Variants in ITGA8 observed in about 807,000 individuals in gnomAD.
ITGA8 encodes integrin subunit alpha 8.
ITGA8 carries 91 observed loss-of-function variants against 142.3 expected under a neutral mutation model. That is an observed-to-expected ratio of 0.64 (90% confidence interval 0.54 to 0.76). The LOEUF is 0.76. ITGA8 is among the 30% of genes least tolerant of loss of function. ITGA8 has a pLI of 0.00. For synonymous variants in ITGA8, 505 were observed against 485.2 expected (o/e 1.04, Z -0.54); for missense variants, 1,406 against 1,327.7 (o/e 1.06, Z -0.92).
At chr10:15,705,402 C>T (rs1035668896) in intron 2 of ITGA8, among the ~76,000 whole-genome samples, 4 of 152,166 alleles carry the variant, frequency 2.6e-5, no homozygotes, top group Non-Finnish European at 4.4e-5. Context: ...AGCAGCTCAT[C>T]CTCAGTTGTT....
chr10:15,694,114 T>C lies in ITGA8; in HGVS notation c.344-6076A>G, dbSNP rs1834984883. On this transcript the variant is annotated intron_variant, in intron 2 of 29. Coordinates refer to ENST00000378076, the MANE Select transcript of ITGA8 (RefSeq NM_003638.3). Reference sequence around the variant, plus strand: ...ATTTATAATATACCTATATATTATATATCATATATCTATATTATATAGATA... The same window carrying C: ...ATTTATAATATACCTATATATTATACATCATATATCTATATTATATAGATA... Among the ~76,000 whole-genome samples, 4 of 146,124 alleles carry C rather than the reference T, an allele frequency of 2.7e-5. No homozygotes were observed. The Admixed American group carries it at 2.8e-4, about 10-fold the overall frequency.
At chr10:15,718,340 C>T in intron 2 of ITGA8, among the ~76,000 whole-genome samples, 1 of 152,214 alleles carries the variant, frequency 6.6e-6, no homozygotes, top group East Asian at 1.9e-4. Flanking sequence ...TCTGCAGCAG[C>T]TAAGTCCTGC....
At chr10:15,536,619 T>G (rs1833444547) in intron 27 of ITGA8, among the ~76,000 whole-genome samples, 1 of 152,220 alleles carries the variant, frequency 6.6e-6, no homozygotes, top group South Asian at 2.1e-4. Flanking sequence ...TGTAGGCAAT[T>G]TAGGATTGAA....
intron 28 of ITGA8, 98 bp from the exon 29 acceptor site, chr10:15,519,510 G>C: frequency 7.8e-7 from 1 of 1,277,288 alleles, no homozygotes; most frequent in Non-Finnish European, 1.1e-6. Context: ...GATCTGAAAG[G>C]ATCCATATGA....
chr10:15,593,698 G>A (rs544969704), intron 21 of ITGA8, among the ~76,000 whole-genome samples: 25 of 152,240 alleles, frequency 1.6e-4, no homozygotes, highest in African/African-American at 5.5e-4. Context: ...CGTACTGTCC[G>A]AATGGCTTTA....
intron 26 of ITGA8, among the ~76,000 whole-genome samples, chr10:15,549,047 T>A (rs1053481125): frequency 1.1e-4 from 17 of 152,252 alleles, no homozygotes; most frequent in African/African-American, 4.1e-4. Context: ...TCTGTGACTT[T>A]CATTCATTAG....
chr10:15,522,896 C>T (rs1833096464), intron 28 of ITGA8, among the ~76,000 whole-genome samples: 1 of 152,072 alleles, frequency 6.6e-6, no homozygotes, highest in Non-Finnish European at 1.5e-5. Flanking sequence ...CCTGTAGTCT[C>T]AGCCACTTGG....
chr10:15,523,013 C>G (rs1028720855), intron 28 of ITGA8, among the ~76,000 whole-genome samples: 2 of 142,332 alleles, frequency 1.4e-5, no homozygotes, highest in African/African-American at 5.6e-5. Flanking sequence ...CAGGCTCAGT[C>G]TCAAAAAAAA....
At chr10:15,590,305 A>G (rs1197870102) in intron 22 of ITGA8, among the ~76,000 whole-genome samples, 1 of 152,212 alleles carries the variant, frequency 6.6e-6, no homozygotes, top group East Asian at 1.9e-4. Context: ...TGAATTCATT[A>G]TTTCAATGAT....
intron 8 of ITGA8, among the ~76,000 whole-genome samples, chr10:15,666,975 T>C (rs1481991863): frequency 6.6e-6 from 1 of 152,194 alleles, no homozygotes; most frequent in Admixed American, 6.5e-5. Flanking sequence ...TGGTCTAAAA[T>C]TCTCTTGTTT....
intron 11 of ITGA8, among the ~76,000 whole-genome samples, chr10:15,651,724 C>T (rs185019385): frequency 2.2e-4 from 33 of 152,166 alleles, no homozygotes; most frequent in Non-Finnish European, 4.3e-4. Context: ...GCAGGGAAGT[C>T]CTCACTTCTG....
intron 2 of ITGA8, among the ~76,000 whole-genome samples, chr10:15,697,201 G>A (rs775537823): frequency 5.3e-5 from 8 of 152,106 alleles, no homozygotes; most frequent in Non-Finnish European, 5.9e-5. Flanking sequence ...ATACACATAT[G>A]ATTTGTATGC....
intron 2 of ITGA8, among the ~76,000 whole-genome samples, chr10:15,712,422 A>C (rs1479044738): frequency 6.6e-6 from 1 of 152,046 alleles, no homozygotes; most frequent in Non-Finnish European, 1.5e-5. Flanking sequence ...TCTCTACTGA[A>C]AATACAAAAC....
At chr10:15,580,011 A>G (rs1408203116) in intron 23 of ITGA8, among the ~76,000 whole-genome samples, 3 of 151,742 alleles carry the variant, frequency 2.0e-5, no homozygotes, top group African/African-American at 7.2e-5. Context: ...AGAAAAGCTG[A>G]AACCAATAAA....
chr10:15,690,381 G>A (rs577805385), intron 2 of ITGA8, among the ~76,000 whole-genome samples: 8 of 152,238 alleles, frequency 5.3e-5, no homozygotes, highest in Admixed American at 2.6e-4. Context: ...CCATGCCAGC[G>A]CTGCACCCTC....
At chr10:15,623,506 C>G (rs1313773987) in intron 13 of ITGA8, among the ~76,000 whole-genome samples, 1 of 152,034 alleles carries the variant, frequency 6.6e-6, no homozygotes, top group Non-Finnish European at 1.5e-5. Context: ...ACCAACAGTG[C>G]AAAACCCCAT....
rs757150843 is a variant in ITGA8 at position 15,607,743 on chromosome 10, G to A, written c.1698C>T (p.Arg566=). 30 of 1,613,456 alleles carry A rather than the reference G, an allele frequency of 1.9e-5. No homozygotes were observed. The highest frequency in any genetic ancestry group is 8.0e-5 in the African/African-American group (6 of 74,910). Residue 566 remains arginine (R), a synonymous_variant, in exon 17 of 30, where the codon CGC becomes CGT. Coordinates refer to ENST00000378076, the MANE Select transcript of ITGA8 (RefSeq NM_003638.3). ...GCCTTTTTATCACAAGAGGGAAGAC[G>A]CGATGAGCCTGATGGTTATCAAGGA... ...TLFLDNHQAH[R]VFPLVIKRQK...
intron 11 of ITGA8, among the ~76,000 whole-genome samples, chr10:15,652,429 C>G (rs1416337924): frequency 1.4e-5 from 2 of 141,460 alleles, no homozygotes; most frequent in East Asian, 4.3e-4. Context: ...CTGTGCATAT[C>G]TGAAAGGCCA....
chr10:15,612,490 T>C (rs1450133893), intron 15 of ITGA8, among the ~76,000 whole-genome samples: 1 of 152,202 alleles, frequency 6.6e-6, no homozygotes, highest in Non-Finnish European at 1.5e-5. Flanking sequence ...TCAGAGGGTA[T>C]ACCCTGAAGG....
Sources: allele counts gnomAD v4.1 joint callset (sites outside exome capture counted in the v4.1 genomes callset), GRCh38; gene constraint gnomAD v4.1.1; transcripts MANE v1.5; gene names NCBI Gene and HGNC (gene_info 2026-07-23, HGNC 2026-07-21).